Variants in PDS5A observed in about 807,000 individuals in gnomAD.
The protein encoded by PDS5A is PDS5 cohesin associated factor A.
Under a neutral mutation model 167.1 loss-of-function variants are expected in PDS5A, and 42 were observed. The ratio of observed to expected loss-of-function variants is 0.25; its 90% CI spans 0.20 to 0.33. The LOEUF (loss-of-function observed/expected upper bound fraction) is 0.33, where lower values mean the gene tolerates loss of function less well. Ranked by LOEUF, PDS5A falls within the 10% of genes least tolerant of loss-of-function variation. The pLI, the probability that PDS5A is intolerant of heterozygous loss-of-function variation, is 1.00. For synonymous variants in PDS5A, 553 were observed against 554.6 expected, an observed-to-expected ratio of 1.00 and a Z score of 0.04; for missense variants, 1,033 against 1,605.9, an observed-to-expected ratio of 0.64 and a Z score of 6.10.
chr4:39,977,072 G>A lies in PDS5A; in HGVS notation c.-41+385C>T, dbSNP rs1731179793. 6.6e-6 allele frequency among the ~76,000 whole-genome samples: 1 copy of A among 152,136 alleles called. No homozygotes were observed. ...AACTAGGGACCCAGCGGACCCACGC[G>A]CAGCGGCGGCTGCCGGGAACAAAAC... On this transcript the variant is annotated intron_variant, in intron 1 of 32. Transcript: ENST00000303538. This position sits in a 1 kb window ranked among gnomAD's most constrained non-coding sequence, Gnocchi z 4.2.
At chr4:39,906,917 T>TAA (rs1191690836) in intron 11 of PDS5A, among the ~76,000 whole-genome samples, 3,272 of 52,702 alleles carry the variant, frequency 0.062, 257 homozygotes, top group African/African-American at 0.12. Flanking sequence ...ATTTCTTACA[T>TAA]AAAAAAAAAA....
At chr4:39,965,572 G>C (rs1729896310) in intron 2 of PDS5A, among the ~76,000 whole-genome samples, 1 of 152,186 alleles carries the variant, frequency 6.6e-6, no homozygotes, top group African/African-American at 2.4e-5. Context: ...GCTTTAAAAG[G>C]GAAGGAAGTA....
intron 17 of PDS5A, among the ~76,000 whole-genome samples, chr4:39,886,806 C>T (rs376386123): frequency 5.9e-5 from 9 of 151,856 alleles, no homozygotes; most frequent in Admixed American, 2.0e-4. Context: ...CCTCCATCAG[C>T]GTTTTAAAGT....
chr4:39,913,747 G>A, intron 8 of PDS5A, 21 bp from the exon 9 acceptor site: 2 of 1,233,750 alleles, frequency 1.6e-6, no homozygotes, highest in Non-Finnish European at 2.4e-6. Context: ...AAAACAGAAA[G>A]TGAAGCCTAA....
chr4:39,876,566 C>T lies in PDS5A; in HGVS notation c.2153+427G>A, dbSNP rs139878212. Among the ~76,000 whole-genome samples, 612 of 152,236 alleles carry T rather than the reference C, an allele frequency of 4.0e-3. 4 individuals carry two copies. In the Middle Eastern group the frequency reaches 0.041, roughly 10 times the overall value. Reference sequence around the variant, plus strand: ...ATATAACATCTCAGCACAAGTTTCACCTTAACCTTTTTAAGATGCCAAAGT... The same window carrying T: ...ATATAACATCTCAGCACAAGTTTCATCTTAACCTTTTTAAGATGCCAAAGT... On this transcript the variant is annotated intron_variant, in intron 19 of 32. Transcript: ENST00000303538.
At chr4:39,883,233 T>G (rs1397330059) in intron 17 of PDS5A, among the ~76,000 whole-genome samples, 1 of 152,046 alleles carries the variant, frequency 6.6e-6, no homozygotes, top group African/African-American at 2.4e-5. Flanking sequence ...CAGGCTGGAG[T>G]GCAATGGTGC....
intron 32 of PDS5A, among the ~76,000 whole-genome samples, chr4:39,832,893 C>T (rs1463604511): frequency 2.0e-5 from 3 of 151,746 alleles, no homozygotes; most frequent in African/African-American, 4.8e-5. Context: ...TGGTGGCTCA[C>T]GCCTGTAATC....
At position 39,889,461 on chromosome 4, in the gene PDS5A, C is replaced by T. The variant is rs140997825; in HGVS notation, c.1886+788G>A. On this transcript the variant is annotated intron_variant, in intron 17 of 32. Coordinates refer to ENST00000303538, the MANE Select transcript of PDS5A (RefSeq NM_001100399.2). ...GATTCACCTAAGGTGAAATAAACAGCGAAGCTTGGGTACTGGAACTGATCT... is the reference window on the plus strand; with the variant it reads ...GATTCACCTAAGGTGAAATAAACAGTGAAGCTTGGGTACTGGAACTGATCT... Among the ~76,000 whole-genome samples, 59 of 152,252 alleles carry T rather than the reference C, an allele frequency of 3.9e-4. No homozygotes were observed. In the East Asian group the frequency reaches 8.1e-3, roughly 21 times the overall value.
chr4:39,915,945 T>C lies in PDS5A; in HGVS notation c.876+1103A>G, dbSNP rs545195947. Among the ~76,000 whole-genome samples the C allele has an allele frequency of 5.3e-5, 8 of 152,250 alleles. No homozygotes were observed. The South Asian group carries it at 1.7e-3, about 32-fold the overall frequency. Reference sequence around the variant, plus strand: ...TCTGCTATTTGTAAAAGTCAAAATATATTCCTTGACCAGGCTCAGTGGCTC... The same window carrying C: ...TCTGCTATTTGTAAAAGTCAAAATACATTCCTTGACCAGGCTCAGTGGCTC... On this transcript the variant is annotated intron_variant, in intron 8 of 32. Coordinates refer to ENST00000303538, the MANE Select transcript of PDS5A (RefSeq NM_001100399.2).
intron 7 of PDS5A, among the ~76,000 whole-genome samples, chr4:39,919,377 G>A (rs929085161): frequency 6.6e-6 from 1 of 152,202 alleles, no homozygotes; most frequent in Non-Finnish European, 1.5e-5. Flanking sequence ...CGGGTGCGGT[G>A]GCTCACGCCT....
chr4:39,881,834 C>G (rs1720956103), intron 17 of PDS5A, among the ~76,000 whole-genome samples: 1 of 152,222 alleles, frequency 6.6e-6, no homozygotes, highest in South Asian at 2.1e-4. Context: ...TCACTTTGAA[C>G]TGTAATAAGC....
At chr4:39,973,334 G>A (rs1730747108) in intron 2 of PDS5A, 5 of 1,607,154 alleles carry the variant, frequency 3.1e-6, no homozygotes, top group Non-Finnish European at 4.3e-6. Context: ...TGAACAGCAG[G>A]CTGTTGCATT....
chr4:39,872,327 C>T (rs1240765420), intron 21 of PDS5A, among the ~76,000 whole-genome samples: 1 of 151,934 alleles, frequency 6.6e-6, no homozygotes, highest in African/African-American at 2.4e-5. Flanking sequence ...CAGCTGCCGT[C>T]ACCACACCCG....
chr4:39,968,757 A>C (rs1730226298), intron 2 of PDS5A, among the ~76,000 whole-genome samples: 1 of 149,140 alleles, frequency 6.7e-6, no homozygotes, highest in South Asian at 2.1e-4. Flanking sequence ...TTAAAAAATC[A>C]CTTGCTCAGT....
At chr4:39,946,990 C>T (rs1727833387) in intron 2 of PDS5A, among the ~76,000 whole-genome samples, 2 of 151,906 alleles carry the variant, frequency 1.3e-5, no homozygotes, top group South Asian at 4.1e-4. Context: ...TCTGTAAAAC[C>T]AGCACTGTGA....
intron 16 of PDS5A, among the ~76,000 whole-genome samples, chr4:39,896,594 C>G (rs1722432994): frequency 6.6e-6 from 1 of 151,504 alleles, no homozygotes; most frequent in Non-Finnish European, 1.5e-5. Flanking sequence ...TGGAGAAACC[C>G]TGTCTCTACA....
intron 10 of PDS5A, among the ~76,000 whole-genome samples, chr4:39,909,179 G>A (rs2109678156): frequency 6.6e-6 from 1 of 151,990 alleles, no homozygotes; most frequent in Admixed American, 6.6e-5. Flanking sequence ...AGGCTGGAGT[G>A]TAATAGAGCA....
At chr4:39,878,487 C>T (rs1006549538) in intron 18 of PDS5A, among the ~76,000 whole-genome samples, 4 of 151,828 alleles carry the variant, frequency 2.6e-5, no homozygotes, top group Non-Finnish European at 5.9e-5. Context: ...GTCCCGGCTA[C>T]TTGGGAGGCT....
chr4:39,861,199 G>A (rs1185427007), intron 26 of PDS5A, among the ~76,000 whole-genome samples: 13 of 151,978 alleles, frequency 8.6e-5, no homozygotes, highest in African/African-American at 2.4e-4. Flanking sequence ...GGTGGCTCAC[G>A]TCTGTAATCC....
Sources: gnomAD v4.1 joint callset for allele counts (sites outside exome capture counted in the v4.1 genomes callset) on GRCh38, gnomAD v4.1.1 for gene constraint, Gnocchi (gnomAD v3.1) non-coding constraint, MANE v1.5 for transcripts, NCBI Gene and HGNC (gene_info 2026-07-23, HGNC 2026-07-21) for gene names.